Variants in CGN observed in about 807,000 individuals in gnomAD.
CGN encodes cingulin.
CGN carries 121 observed loss-of-function variants against 157.1 expected under a neutral mutation model. That is an observed-to-expected ratio of 0.77 (90% confidence interval 0.66 to 0.90). The LOEUF (loss-of-function observed/expected upper bound fraction) is 0.90. Among genes scored for constraint, CGN ranks in the 40% least tolerant of loss-of-function variants. The pLI, the probability that CGN is intolerant of heterozygous loss-of-function variation, is 0.00. For missense variants in CGN, 1,424 were observed against 1,520.9 expected (o/e 0.94, Z 1.06); for synonymous variants, 535 against 607.5 (o/e 0.88, Z 1.76).
intron 15 of CGN, 153 bp from the exon 16 acceptor site, chr1:151,534,889 A>T: frequency 1.6e-6 from 1 of 625,778 alleles, no homozygotes; most frequent in Non-Finnish European, 2.8e-6. Context: ...CGCTGGCTCC[A>T]TAGTGGCTCT....
intron 5 of CGN, among the ~76,000 whole-genome samples, chr1:151,522,745 C>T (rs1664569799): frequency 1.3e-5 from 2 of 152,018 alleles, no homozygotes; most frequent in South Asian, 2.1e-4. Flanking sequence ...GAAACCCTGT[C>T]TCTACTAATA....
chr1:151,518,765 C>G lies in CGN; in HGVS notation c.246C>G (p.Ile82Met), dbSNP rs112666836. Residue 82 changes from isoleucine (I) to methionine (M), a missense_variant, in exon 2 of 21, where the codon ATC becomes ATG. By Grantham distance (10) the Ile-to-Met change is conservative. This residue lies in a region of CGN where 1,187 missense variants were observed against 1,217.6 expected (regional missense o/e 0.97). Transcript: ENST00000271636. ...EKGGDSFGVQIKGANDQGASG... is the reference protein window; with the variant it reads ...EKGGDSFGVQMKGANDQGASG... ...GCGGTGACTCCTTTGGGGTCCAAAT[C>G]AAGGGGGCCAATGACCAAGGGGCCT... The G allele has an allele frequency of 5.1e-5, 83 of 1,614,154 alleles. 2 individuals carry two copies. The South Asian group carries it at 8.7e-4, about 17-fold the overall frequency.
In CGN at chr1:151,535,599, G is replaced by C. The variant is rs774176745; in HGVS notation, c.2995-1G>C. On this transcript the variant is annotated splice_acceptor_variant, in intron 16 of 20. Coordinates refer to ENST00000271636, the MANE Select transcript of CGN (RefSeq NM_020770.3). LOFTEE classifies it high-confidence loss of function. Reference sequence around the variant, plus strand: ...CTGGTCCTCTCACCCATCCCCACTAGGTGGATCAGCTGAGGACAGAGCTCA... The same window carrying C: ...CTGGTCCTCTCACCCATCCCCACTACGTGGATCAGCTGAGGACAGAGCTCA... 6.2e-7 allele frequency: 1 copy of C among 1,613,348 alleles called. No individual in the cohort carries two copies. Among genetic ancestry groups the C allele is most frequent in the East Asian group, 2.2e-5 (1 of 44,880 alleles).
chr1:151,528,249 A>T (rs1445578317), intron 10 of CGN, among the ~76,000 whole-genome samples: 5 of 151,928 alleles, frequency 3.3e-5, no homozygotes, highest in Non-Finnish European at 7.4e-5. Context: ...GGCCTCCCAA[A>T]GTGCCGGGAT....
At chr1:151,515,796 G>T (rs907801995) in intron 1 of CGN, among the ~76,000 whole-genome samples, 42 of 152,310 alleles carry the variant, frequency 2.8e-4, no homozygotes, top group Non-Finnish European at 4.4e-4. Flanking sequence ...GCCTCAGGTT[G>T]CATACATCAG....
chr1:151,529,466 C>G lies in CGN; in HGVS notation c.2013C>G (p.Val671=), dbSNP rs201119742. ...AGAAGCAGCTGGCGGTCCTGAGGGT[C>G]GAGGCTGATCGAGGTCGGGAGCTGG... is the stretch of plus-strand genomic sequence containing the variant. ...ELEKQLAVLR[V]EADRGRELEE... The change falls in exon 11 of 21, where the codon GTC becomes GTG. Residue 671 remains valine, a synonymous_variant. Coordinates refer to ENST00000271636, the MANE Select transcript of CGN (RefSeq NM_020770.3). 1 of 1,613,702 alleles carries G rather than the reference C, an allele frequency of 6.2e-7. No individual in the cohort carries two copies. The highest frequency in any genetic ancestry group is 8.5e-7 in the Non-Finnish European group (1 of 1,179,958).
At position 151,525,032 on chromosome 1, in the gene CGN, C is replaced by T; in HGVS notation, c.1614+146C>T. ...GGACACAGTGAGATCTGCTGAAAAC[C>T]TTGGGCAGGAAAACTATAGGGGCAG... On this transcript the variant is annotated intron_variant, in intron 8 of 20. Coordinates refer to ENST00000271636, the MANE Select transcript of CGN (RefSeq NM_020770.3). 2 of 711,830 alleles carry T rather than the reference C, an allele frequency of 2.8e-6. 1 individual carries two copies. Among genetic ancestry groups the T allele is most frequent in the South Asian group, 3.3e-5 (2 of 61,110 alleles). The allele number at this position is 711,830 out of a possible 1,614,324, so 44.1% of individuals were successfully genotyped here.
rs763652655 is a variant in CGN at position 151,518,538 on chromosome 1, A to G, written c.19A>G (p.Met7Val). The G allele has an allele frequency of 4.4e-6, 7 of 1,608,438 alleles. No homozygotes were observed. The African/African-American group carries it at 5.3e-5, about 12-fold the overall frequency. Residue 7 changes from methionine (M) to valine (V), a missense_variant, in exon 2 of 21, where the codon ATG becomes GTG. Physicochemically the swap from Met to Val is conservative, Grantham distance 21. This residue lies in a region of CGN where 1,187 missense variants were observed against 1,217.6 expected (regional missense o/e 0.97). Transcript: ENST00000271636. MEQAPN[M>V]AEPRGPVDHG... Reference sequence around the variant, plus strand: ...CCTATTTATGGAGCAGGCACCCAACATGGCTGAGCCCCGGGGCCCCGTAGA... The same window carrying G: ...CCTATTTATGGAGCAGGCACCCAACGTGGCTGAGCCCCGGGGCCCCGTAGA...
intron 1 of CGN, among the ~76,000 whole-genome samples, chr1:151,513,013 C>T (rs1340654161): frequency 6.6e-6 from 1 of 152,184 alleles, no homozygotes; most frequent in Admixed American, 6.5e-5. Context: ...ACTTTGGGAA[C>T]CTCAAAGGGA....
intron 13 of CGN, among the ~76,000 whole-genome samples, chr1:151,530,998 G>A (rs753449036): frequency 1.1e-4 from 17 of 151,988 alleles, no homozygotes; most frequent in Admixed American, 8.5e-4. Context: ...AAAATTAGCC[G>A]GGCTTGGTGG....
chr1:151,530,317 A>C (rs1319631650), intron 12 of CGN, among the ~76,000 whole-genome samples, 172 bp from the exon 13 acceptor site: 3 of 151,746 alleles, frequency 2.0e-5, no homozygotes, highest in Non-Finnish European at 4.4e-5. Flanking sequence ...TTTGTTTCTT[A>C]TTTCTCACCC....
At chr1:151,510,781 TTA>T (rs1173044000), upstream of CGN, among the ~76,000 whole-genome samples, 1 of 152,108 alleles carries the variant, frequency 6.6e-6, no homozygotes, top group African/African-American at 2.4e-5. Context: ...ATTTTTAAAA[TTA>T]TGTTATTAAC....
At chr1:151,536,027 C>T in intron 18 of CGN, 129 bp downstream of exon 18, 1 of 758,652 alleles carries the variant, frequency 1.3e-6, no homozygotes, top group Non-Finnish European at 2.3e-6. Context: ...CTTTAGGGAA[C>T]ACTTTCTCCT....
At chr1:151,530,235 C>A in intron 12 of CGN, 120 bp downstream of exon 12, 1 of 1,140,394 alleles carries the variant, frequency 8.8e-7, no homozygotes, top group Non-Finnish European at 1.2e-6. Flanking sequence ...CTCCCCAAAC[C>A]TGCTCTGTTA....
intron 12 of CGN, 133 bp downstream of exon 12, chr1:151,530,248 C>A: frequency 9.3e-7 from 1 of 1,073,814 alleles, no homozygotes; most frequent in Non-Finnish European, 1.3e-6. Context: ...CTCTGTTAAC[C>A]TTGGGTTTAT....
At chr1:151,530,408 C>A in intron 12 of CGN, 81 bp from the exon 13 acceptor site, 1 of 1,470,632 alleles carries the variant, frequency 6.8e-7, no homozygotes. Context: ...CCTCCTTTCT[C>A]CTGCCCAGCT....
In CGN at chr1:151,537,245, A is replaced by G. The variant is rs1409115351; in HGVS notation, c.3511A>G (p.Asn1171Asp). ...CTCAGCTGCTGAGTCAGCTCTCAAA[A>G]ACGAAGGGCTGAGCTCAGATGAGGA... ...SRSAAESALK[N>D]EGLSSDEEFD... The change falls in exon 21 of 21, where the codon AAC (asparagine) becomes GAC (aspartate). Residue 1171 changes from asparagine (N) to aspartate (D), a missense_variant. Coordinates refer to ENST00000271636, the MANE Select transcript of CGN (RefSeq NM_020770.3). 6.2e-7 allele frequency: 1 copy of G among 1,614,032 alleles called. No individual in the cohort carries two copies. Among genetic ancestry groups the G allele is most frequent in the East Asian group, 2.2e-5 (1 of 44,892 alleles).
intron 10 of CGN, chr1:151,527,948 ATATTTTTTTTTT>A: frequency 8.4e-6 from 1 of 119,408 alleles, no homozygotes; most frequent in Non-Finnish European, 1.4e-5. Flanking sequence ...ATATATATAT[ATATTTTTTTTTT>A]TTTTTTTTTT....
Position 151,525,694 on chromosome 1 carries a change from G to A in CGN, c.1667G>A (p.Gly556Glu), listed in dbSNP as rs757517906. The change falls in exon 9 of 21, where the codon GGG (glycine) becomes GAG (glutamate). Residue 556 changes from glycine (G) to glutamate (E), a missense_variant. Coordinates refer to ENST00000271636, the MANE Select transcript of CGN (RefSeq NM_020770.3). The part of the protein sequence containing the change: ...ERQKMSALVR[G>E]LQRELEETSE... ...CAGAAGATGTCAGCCCTTGTGCGAG[G>A]GCTGCAGAGGGAGCTGGAGGAGACT... The A allele has an allele frequency of 6.2e-7, 1 of 1,612,200 alleles. No homozygotes were observed. Among genetic ancestry groups the A allele is most frequent in the South Asian group, 1.1e-5 (1 of 90,992 alleles).
Sources: gnomAD v4.1 joint callset for allele counts (sites outside exome capture counted in the v4.1 genomes callset) on GRCh38, gnomAD v4.1.1 for gene constraint, gnomAD v4.1.1 regional missense constraint, MANE v1.5 for transcripts, NCBI Gene and HGNC (gene_info 2026-07-23, HGNC 2026-07-21) for gene names.